CATSPER3: variants seen among roughly 807,000 people sequenced by gnomAD.
CATSPER3 encodes the protein cation channel sperm associated 3.
CATSPER3 carries 23 observed loss-of-function variants against 36.6 expected under a neutral mutation model. The observed-to-expected ratio is 0.63, with a 90% CI of 0.45 to 0.89. The LOEUF (loss-of-function observed/expected upper bound fraction) is 0.89. CATSPER3 is among the 40% of genes least tolerant of loss of function. The probability of loss-of-function intolerance (pLI) is 0.00; values close to 1 mark genes in which losing one functional copy is unlikely to be tolerated. For missense variants in CATSPER3, 474 were observed against 503.9 expected (o/e 0.94, Z 0.57); for synonymous variants, 172 against 184.1 (o/e 0.93, Z 0.53).
At chr5:134,976,957 C>T (rs1751682444) in intron 2 of CATSPER3, among the ~76,000 whole-genome samples, 1 of 152,202 alleles carries the variant, frequency 6.6e-6, no homozygotes, top group Non-Finnish European at 1.5e-5. Context: ...GGAGCAGTGT[C>T]CCAAGGCTGC....
intron 2 of CATSPER3, among the ~76,000 whole-genome samples, chr5:134,994,798 C>CT (rs1427068645): frequency 6.6e-6 from 1 of 152,142 alleles, no homozygotes; most frequent in East Asian, 1.9e-4. Flanking sequence ...TGAACAGCCT[C>CT]TTTTTCTCCC....
At chr5:134,999,843 G>A (rs1172631011) in intron 3 of CATSPER3, among the ~76,000 whole-genome samples, 5 of 152,180 alleles carry the variant, frequency 3.3e-5, no homozygotes, top group African/African-American at 9.7e-5. Context: ...ATACAATCAT[G>A]TCATCTGCAA....
At chr5:134,979,061 C>T (rs920761707) in intron 2 of CATSPER3, among the ~76,000 whole-genome samples, 25 of 152,236 alleles carry the variant, frequency 1.6e-4, no homozygotes, top group Non-Finnish European at 2.8e-4. Context: ...ACTCCCCTCC[C>T]CAGCATGGTG....
chr5:135,002,825 T>C (rs1054290805), intron 3 of CATSPER3, among the ~76,000 whole-genome samples: 13 of 152,246 alleles, frequency 8.5e-5, no homozygotes, highest in Admixed American at 2.6e-4. Flanking sequence ...AGGCCTTCTC[T>C]ACACTGGTTA....
chr5:134,993,793 G>T (rs1751911750), intron 2 of CATSPER3, among the ~76,000 whole-genome samples: 1 of 152,098 alleles, frequency 6.6e-6, no homozygotes, highest in Non-Finnish European at 1.5e-5. Flanking sequence ...AACTAACCTG[G>T]ACTATATGGT....
In CATSPER3 at chr5:135,011,552, G is replaced by C; in HGVS notation, c.1126G>C (p.Val376Leu). 1 of 1,614,040 alleles carries C rather than the reference G, an allele frequency of 6.2e-7. No homozygotes were observed. The highest frequency in any genetic ancestry group is 1.3e-5 in the African/African-American group (1 of 75,044). ...AGAGCTGTACTATGAGATCGTGCAT[G>C]TGCTGAGCCTAATGCTGGAAGACTT... ...LQELYYEIVH[V>L]LSLMLEDLPQ... Residue 376 changes from valine to leucine, a missense_variant, in exon 8 of 8, where the codon GTG (valine) becomes CTG (leucine). Transcript: ENST00000282611.
chr5:134,995,878 A>G (rs1751938645), intron 2 of CATSPER3: 1 of 303,696 alleles, frequency 3.3e-6, no homozygotes, highest in South Asian at 3.5e-5. Context: ...TAGATTAAAC[A>G]TAAGTAGATA....
Position 134,969,806 on chromosome 5 carries a change from A to G in CATSPER3, c.99-133A>G, listed in dbSNP as rs528719821. On this transcript the variant is annotated intron_variant, in intron 1 of 7. Coordinates refer to ENST00000282611, the MANE Select transcript of CATSPER3 (RefSeq NM_178019.3). ...GTCATTTATTCAACATCTCATTGCT[A>G]TTTAAAAGTATATGTAAATTTATAT... 49 of 907,698 alleles carry G rather than the reference A, an allele frequency of 5.4e-5. No homozygotes were observed. The African/African-American group carries it at 7.6e-4, about 14-fold the overall frequency. 56.2% of individuals were successfully genotyped at this position (907,698 alleles called of 1,614,324 possible).
At chr5:134,970,993 A>C (rs1303452583) in intron 2 of CATSPER3, among the ~76,000 whole-genome samples, 1 of 151,828 alleles carries the variant, frequency 6.6e-6, no homozygotes, top group African/African-American at 2.4e-5. Context: ...TCTGTCACCC[A>C]GGCTGGAGTG....
chr5:135,008,820 T>C (rs200418750), intron 4 of CATSPER3, 21 bp from the exon 5 acceptor site: 63 of 1,613,438 alleles, frequency 3.9e-5, no homozygotes, highest in Middle Eastern at 1.6e-4. Context: ...GCCCTCAGCA[T>C]ACTCTTCCCT....
intron 2 of CATSPER3, among the ~76,000 whole-genome samples, chr5:134,993,431 A>G (rs997020477): frequency 4.7e-4 from 72 of 152,366 alleles, no homozygotes; most frequent in African/African-American, 1.5e-3. Context: ...TGAATTGTAC[A>G]CCTTAAAATG....
In CATSPER3 at chr5:134,970,032, G is replaced by A. The variant is rs375185027; in HGVS notation, c.192G>A (p.Ala64=). 78 of 1,614,056 alleles carry A rather than the reference G, an allele frequency of 4.8e-5. No individual in the cohort carries two copies. The African/African-American group carries it at 4.9e-4, about 10-fold the overall frequency. ...TGATTAGCACTGTCACATCGAATGC[G>A]TTTTTTATGGCCTTGTGGACCAGTT... ...IIMISTVTSN[A]FFMALWTSYD... is the part of the protein sequence containing the mutation. Residue 64 remains alanine (A), a synonymous_variant, in exon 2 of 8, where the codon GCG becomes GCA. Coordinates refer to ENST00000282611, the MANE Select transcript of CATSPER3 (RefSeq NM_178019.3).
At chr5:135,008,225 C>T in intron 4 of CATSPER3, 86 bp downstream of exon 4, 1 of 1,114,226 alleles carries the variant, frequency 9.0e-7, no homozygotes, top group Non-Finnish European at 1.4e-6. Context: ...TGTGGGGCCT[C>T]ACATGGGGCT....
intron 2 of CATSPER3, among the ~76,000 whole-genome samples, chr5:134,974,015 G>A (rs1280235045): frequency 1.3e-5 from 2 of 152,104 alleles, no homozygotes; most frequent in Non-Finnish European, 2.9e-5. Context: ...CTTAATAAAT[G>A]AAAAAGAAAT....
chr5:134,976,584 C>A (rs1751677833), intron 2 of CATSPER3, among the ~76,000 whole-genome samples: 1 of 152,210 alleles, frequency 6.6e-6, no homozygotes, highest in Non-Finnish European at 1.5e-5. Context: ...ATTCTTGGGT[C>A]TGGAGAGCAG....
At chr5:134,995,774 T>G in intron 2 of CATSPER3, 1 of 212,232 alleles carries the variant, frequency 4.7e-6, no homozygotes. Flanking sequence ...GCCATTAGAG[T>G]TGTAGATGCA....
intron 2 of CATSPER3, among the ~76,000 whole-genome samples, chr5:134,992,310 A>G (rs1305327149): frequency 6.6e-6 from 1 of 152,236 alleles, no homozygotes; most frequent in African/African-American, 2.4e-5. Flanking sequence ...CAAAGTAGAT[A>G]TTACAAATGG....
At chr5:134,972,433 A>C (rs533342823) in intron 2 of CATSPER3, among the ~76,000 whole-genome samples, 1 of 152,226 alleles carries the variant, frequency 6.6e-6, no homozygotes, top group Non-Finnish European at 1.5e-5. Flanking sequence ...AAGTGATACA[A>C]GATAGGAAAG....
chr5:135,007,935 C>T, intron 3 of CATSPER3, 22 bp from the exon 4 acceptor site: 3 of 1,612,240 alleles, frequency 1.9e-6, no homozygotes, highest in Admixed American at 1.7e-5. Context: ...CCCTCGCCTA[C>T]CACAGTGTCC....
Sources: gnomAD v4.1 joint callset for allele counts (sites outside exome capture counted in the v4.1 genomes callset) on GRCh38, gnomAD v4.1.1 for gene constraint, MANE v1.5 for transcripts, NCBI Gene and HGNC (gene_info 2026-07-23, HGNC 2026-07-21) for gene names.